Variants in TMEFF2 observed in about 807,000 individuals in gnomAD.
The protein encoded by TMEFF2 is tomoregulin-2.
In TMEFF2, 28 loss-of-function variants were observed where a neutral mutation model predicts 53.8. That is an observed-to-expected ratio of 0.52 (90% CI 0.39 to 0.71). The LOEUF (loss-of-function observed/expected upper bound fraction) is 0.71. TMEFF2 is among the 30% of genes least tolerant of loss of function. The pLI, the probability that TMEFF2 is intolerant of heterozygous loss-of-function variation, is 0.00. For synonymous variants in TMEFF2, 162 were observed against 166.3 expected (o/e 0.97, Z 0.20); for missense variants, 353 against 455.2 (o/e 0.78, Z 2.04).
intron 5 of TMEFF2, among the ~76,000 whole-genome samples, chr2:192,020,428 C>A (rs893374635): frequency 2.0e-5 from 3 of 152,048 alleles, no homozygotes; most frequent in African/African-American, 7.2e-5. Flanking sequence ...AGCACTTAAA[C>A]ATGACTGCAA....
intron 4 of TMEFF2, among the ~76,000 whole-genome samples, chr2:192,076,769 G>C (rs187004218): frequency 4.8e-4 from 73 of 152,250 alleles, no homozygotes; most frequent in Admixed American, 3.6e-3. Context: ...TGGAACTCAG[G>C]CTCTGGGGCA....
At chr2:192,099,692 A>G (rs1039765599) in intron 4 of TMEFF2, among the ~76,000 whole-genome samples, 2 of 151,978 alleles carry the variant, frequency 1.3e-5, no homozygotes, top group Non-Finnish European at 2.9e-5. Flanking sequence ...TATCAAATTA[A>G]TTATTAGCTG....
intron 4 of TMEFF2, among the ~76,000 whole-genome samples, chr2:192,076,280 TTCTA>T (rs1188401162): frequency 1.3e-5 from 2 of 152,100 alleles, no homozygotes; most frequent in Non-Finnish European, 2.9e-5. Context: ...GTCCTCTCCT[TTCTA>T]TGTCTCCCCT....
At chr2:192,010,159 C>T (rs1166916267) in intron 5 of TMEFF2, among the ~76,000 whole-genome samples, 1 of 152,144 alleles carries the variant, frequency 6.6e-6, no homozygotes, top group Non-Finnish European at 1.5e-5. Flanking sequence ...TCTTTGTCCT[C>T]ATCTTATGTG....
At chr2:191,955,373 G>T (rs1255475674) in intron 8 of TMEFF2, among the ~76,000 whole-genome samples, 5 of 150,732 alleles carry the variant, frequency 3.3e-5, no homozygotes, top group Non-Finnish European at 5.9e-5. Flanking sequence ...ATAAGAGGCG[G>T]GGTCTTGCTC....
At chr2:192,048,905 T>C (rs1009561003) in intron 5 of TMEFF2, among the ~76,000 whole-genome samples, 5 of 152,198 alleles carry the variant, frequency 3.3e-5, no homozygotes, top group Non-Finnish European at 7.3e-5. Context: ...ATTGGATGCA[T>C]GCATAACCAT....
intron 4 of TMEFF2, among the ~76,000 whole-genome samples, chr2:192,133,295 C>T (rs562995886): frequency 6.6e-6 from 1 of 152,100 alleles, no homozygotes; most frequent in East Asian, 1.9e-4. Flanking sequence ...TGTATCCCCC[C>T]ACCTTAACCC....
chr2:192,111,649 G>A (rs529748583), intron 4 of TMEFF2, among the ~76,000 whole-genome samples: 52 of 152,328 alleles, frequency 3.4e-4, no homozygotes, highest in Non-Finnish European at 6.5e-4. Flanking sequence ...CATAAGTAAA[G>A]AGGAGCCAAA....
chr2:192,177,244 T>C (rs1044193670), intron 4 of TMEFF2: 3 of 151,150 alleles, frequency 2.0e-5, no homozygotes, highest in Non-Finnish European at 3.0e-5. Flanking sequence ...TCTACAAAAA[T>C]ACAGAGGAAA....
chr2:192,065,357 T>C (rs1371792131), intron 4 of TMEFF2, among the ~76,000 whole-genome samples: 1 of 151,858 alleles, frequency 6.6e-6, no homozygotes, highest in Non-Finnish European at 1.5e-5. Context: ...TAGAAGCATT[T>C]ACATACATCA....
At chr2:192,069,431 C>T (rs1688236176) in intron 4 of TMEFF2, among the ~76,000 whole-genome samples, 1 of 151,556 alleles carries the variant, frequency 6.6e-6, no homozygotes, top group South Asian at 2.1e-4. Context: ...AAAAATGTAT[C>T]CTCAAACATT....
intron 7 of TMEFF2, among the ~76,000 whole-genome samples, chr2:191,980,081 G>A (rs978177582): frequency 2.4e-4 from 36 of 152,116 alleles, no homozygotes; most frequent in African/African-American, 8.5e-4. Context: ...CTATTTGTCA[G>A]GCATTCTTTT....
intron 5 of TMEFF2, among the ~76,000 whole-genome samples, chr2:192,033,644 T>C (rs1183112321): frequency 1.3e-5 from 2 of 151,758 alleles, no homozygotes; most frequent in East Asian, 2.0e-4. Flanking sequence ...TCCAAACATA[T>C]TTTTCCCTAT....
intron 4 of TMEFF2, among the ~76,000 whole-genome samples, chr2:192,116,484 C>T (rs1689409375): frequency 6.6e-6 from 1 of 151,620 alleles, no homozygotes; most frequent in Non-Finnish European, 1.5e-5. Context: ...CAAGATTTGC[C>T]TAGTGTTATT....
chr2:191,952,170 T>C (rs964381079), intron 9 of TMEFF2, among the ~76,000 whole-genome samples: 3 of 152,208 alleles, frequency 2.0e-5, no homozygotes, highest in Admixed American at 6.5e-5. Context: ...TGTGCATATA[T>C]ATGTGTGTAT....
chr2:192,182,123 A>G lies in TMEFF2; in HGVS notation c.412+2231T>C, dbSNP rs375227743. Among the ~76,000 whole-genome samples, 14 of 151,972 alleles carry G rather than the reference A, an allele frequency of 9.2e-5. No homozygotes were observed. In the South Asian group the frequency reaches 2.5e-3, roughly 27 times the overall value. On this transcript the variant is annotated intron_variant, in intron 3 of 9. Coordinates refer to ENST00000272771, the MANE Select transcript of TMEFF2 (RefSeq NM_016192.4). ...TTCACAATAAGAGTCCATTCTCTGG[A>G]CAAAAAAAAATTAAGTTCAATGAAA...
chr2:192,041,854 G>A (rs1687490619), intron 5 of TMEFF2, among the ~76,000 whole-genome samples: 2 of 152,292 alleles, frequency 1.3e-5, no homozygotes, highest in South Asian at 4.1e-4. Context: ...TATCAGTTAA[G>A]TTTACTTGTT....
intron 5 of TMEFF2, among the ~76,000 whole-genome samples, chr2:192,024,305 A>T (rs979103207): frequency 6.6e-6 from 1 of 152,166 alleles, no homozygotes. Flanking sequence ...TATTGTAAAA[A>T]ATTCAGGAGT....
intron 7 of TMEFF2, 40 bp from the exon 8 acceptor site, chr2:191,956,418 T>G: frequency 1.3e-6 from 2 of 1,597,968 alleles, no homozygotes; most frequent in Admixed American, 1.7e-5. Context: ...CTGTAAATAC[T>G]TAGCCTGGTA....
Sources: allele counts gnomAD v4.1 joint callset (sites outside exome capture counted in the v4.1 genomes callset), GRCh38; gene constraint gnomAD v4.1.1; transcripts MANE v1.5; gene names NCBI Gene and HGNC (gene_info 2026-07-23, HGNC 2026-07-21).